Variants in GALNT7 observed in about 807,000 individuals in gnomAD.
The protein encoded by GALNT7 is polypeptide N-acetylgalactosaminyltransferase 7.
Under a neutral mutation model 82.1 loss-of-function variants are expected in GALNT7, and 60 were observed. The ratio of observed to expected loss-of-function variants is 0.73; its 90% CI spans 0.59 to 0.91. The LOEUF (loss-of-function observed/expected upper bound fraction) is 0.91. Among genes scored for constraint, GALNT7 ranks in the 40% least tolerant of loss-of-function variants. The pLI, the probability that GALNT7 is intolerant of heterozygous loss-of-function variation, is 0.00. For missense variants in GALNT7, 660 were observed against 804.2 expected, an observed-to-expected ratio of 0.82 and a Z score of 2.17; for synonymous variants, 243 against 275.1, an observed-to-expected ratio of 0.88 and a Z score of 1.15.
chr4:173,267,589 G>C (rs1358317857), intron 2 of GALNT7, among the ~76,000 whole-genome samples: 1 of 152,170 alleles, frequency 6.6e-6, no homozygotes, highest in African/African-American at 2.4e-5. Flanking sequence ...CTTTGCAGCA[G>C]AGTCTTCACC....
chr4:173,249,477 A>G (rs1734776652), intron 2 of GALNT7, among the ~76,000 whole-genome samples: 1 of 152,212 alleles, frequency 6.6e-6, no homozygotes, highest in African/African-American at 2.4e-5. Flanking sequence ...AGAAGGTAGG[A>G]GTGGAAGTGC....
intron 2 of GALNT7, among the ~76,000 whole-genome samples, chr4:173,281,396 G>A (rs954005381): frequency 3.3e-5 from 5 of 152,128 alleles, no homozygotes; most frequent in African/African-American, 4.8e-5. Flanking sequence ...TCTGAAGCCC[G>A]CTTGTCTACA....
chr4:173,236,906 T>C (rs1188301440), intron 1 of GALNT7, among the ~76,000 whole-genome samples: 2 of 152,218 alleles, frequency 1.3e-5, no homozygotes, highest in Non-Finnish European at 2.9e-5. Flanking sequence ...TAATGATGCA[T>C]ATAAATAGTA....
chr4:173,171,680 G>A (rs1731879038), intron 1 of GALNT7, among the ~76,000 whole-genome samples: 1 of 152,074 alleles, frequency 6.6e-6, no homozygotes, highest in Non-Finnish European at 1.5e-5. Context: ...TGAATGATGT[G>A]AAAAATGACC....
chr4:173,250,460 C>G (rs72999507), intron 2 of GALNT7, among the ~76,000 whole-genome samples: 3,313 of 152,208 alleles, frequency 0.022, 74 homozygotes, highest in African/African-American at 0.052. Flanking sequence ...CCCCTCACAT[C>G]CAGTCCATCA....
chr4:173,288,908 T>G (rs1736436703), intron 2 of GALNT7, among the ~76,000 whole-genome samples: 1 of 151,870 alleles, frequency 6.6e-6, no homozygotes, highest in South Asian at 2.1e-4. Context: ...TCAGTTGGTG[T>G]CTTAGTAATC....
rs115747035 is a variant in GALNT7, at chr4:173,186,083, G to T, written c.126+17122G>T. On this transcript the variant is annotated intron_variant, in intron 1 of 11. Transcript: ENST00000265000. ...GGAGGGGCCTGCTATATAGTACAAGGTCATGGCTTAAGCCAATCATTTGTC... is the reference window on the plus strand; with the variant it reads ...GGAGGGGCCTGCTATATAGTACAAGTTCATGGCTTAAGCCAATCATTTGTC... 6.3e-3 allele frequency among the ~76,000 whole-genome samples: 965 copies of T among 152,276 alleles called. 3 individuals carry two copies. Among genetic ancestry groups the T allele is most frequent in the Middle Eastern group, 0.044 (13 of 294 alleles).
At chr4:173,217,390 C>T (rs1157243245) in intron 1 of GALNT7, among the ~76,000 whole-genome samples, 1 of 152,060 alleles carries the variant, frequency 6.6e-6, no homozygotes, top group Non-Finnish European at 1.5e-5. Flanking sequence ...TTTCAAAATA[C>T]AATATTATGC....
intron 2 of GALNT7, among the ~76,000 whole-genome samples, chr4:173,272,982 A>G (rs1735783006): frequency 6.6e-6 from 1 of 152,208 alleles, no homozygotes; most frequent in Non-Finnish European, 1.5e-5. Flanking sequence ...CTGTAAGTAA[A>G]TATTACAACC....
chr4:173,186,510 A>G (rs1333901384), intron 1 of GALNT7, among the ~76,000 whole-genome samples: 1 of 152,200 alleles, frequency 6.6e-6, no homozygotes, highest in Non-Finnish European at 1.5e-5. Context: ...GCTGGGTTTA[A>G]CTTGCACTTT....
chr4:173,290,781 A>G (rs758441018), intron 2 of GALNT7, among the ~76,000 whole-genome samples: 9 of 152,224 alleles, frequency 5.9e-5, no homozygotes, highest in Non-Finnish European at 1.3e-4. Context: ...TTTTTGAATT[A>G]TTATTTCTAA....
At chr4:173,315,065 G>A (rs999676583) in intron 9 of GALNT7, among the ~76,000 whole-genome samples, 2 of 152,184 alleles carry the variant, frequency 1.3e-5, no homozygotes, top group Non-Finnish European at 2.9e-5. Context: ...ACATAATACT[G>A]TCAAGAGGAC....
chr4:173,286,495 C>T (rs764815241), intron 2 of GALNT7, among the ~76,000 whole-genome samples: 1 of 152,232 alleles, frequency 6.6e-6, no homozygotes, highest in Admixed American at 6.5e-5. Context: ...GGCTAACCAG[C>T]CTTTAGCCAC....
At chr4:173,192,283 G>A (rs1160875742) in intron 1 of GALNT7, among the ~76,000 whole-genome samples, 1 of 151,984 alleles carries the variant, frequency 6.6e-6, no homozygotes, top group Non-Finnish European at 1.5e-5. Flanking sequence ...CCTTGTTTCA[G>A]AATTTTGTAT....
intron 1 of GALNT7, among the ~76,000 whole-genome samples, chr4:173,217,613 A>G (rs1254195946): frequency 6.6e-6 from 1 of 152,226 alleles, no homozygotes; most frequent in Non-Finnish European, 1.5e-5. Context: ...TATTGTTTTT[A>G]AGATTCAACT....
At chr4:173,267,780 T>C (rs1314619282) in intron 2 of GALNT7, among the ~76,000 whole-genome samples, 1 of 152,174 alleles carries the variant, frequency 6.6e-6, no homozygotes, top group Non-Finnish European at 1.5e-5. Context: ...TAATAATACT[T>C]GGCTTGTAAA....
intron 1 of GALNT7, among the ~76,000 whole-genome samples, chr4:173,185,438 T>G (rs1732435622): frequency 6.6e-6 from 1 of 151,852 alleles, no homozygotes; most frequent in South Asian, 2.1e-4. Context: ...GTGGAAAAAT[T>G]CCTTTTGGGG....
At chr4:173,182,777 G>A (rs1255856598) in intron 1 of GALNT7, among the ~76,000 whole-genome samples, 1 of 132,938 alleles carries the variant, frequency 7.5e-6, no homozygotes, top group African/African-American at 3.0e-5. Flanking sequence ...ACACAACAGC[G>A]TGTTGCCTCT....
intron 1 of GALNT7, among the ~76,000 whole-genome samples, chr4:173,219,099 C>T (rs1733558926): frequency 1.3e-5 from 2 of 152,102 alleles, no homozygotes; most frequent in Middle Eastern, 3.4e-3. Context: ...TCACTGTAGC[C>T]AATGTGTAGT....
Sources: allele counts gnomAD v4.1 joint callset (sites outside exome capture counted in the v4.1 genomes callset), GRCh38; gene constraint gnomAD v4.1.1; transcripts MANE v1.5; gene names NCBI Gene and HGNC (gene_info 2026-07-23, HGNC 2026-07-21).